Variants in DMD observed in about 807,000 individuals in gnomAD.
DMD encodes mutant dystrophin.
DMD carries 63 observed loss-of-function variants against 330.1 expected under a neutral mutation model. That is an observed-to-expected ratio of 0.19 (90% confidence interval 0.16 to 0.24). DMD has a LOEUF of 0.24. DMD is among the 10% of genes least tolerant of loss of function. The pLI, the probability that DMD is intolerant of heterozygous loss-of-function variation, is 1.00. For missense variants in DMD, 3,344 were observed against 2,684.1 expected, an observed-to-expected ratio of 1.25 and a Z score of -5.43; for synonymous variants, 1,223 against 959.8, an observed-to-expected ratio of 1.27 and a Z score of -5.07.
At chrX:33,051,165 C>G (rs2094451193) in intron 1 of DMD, among the ~76,000 whole-genome samples, 1 of 108,856 alleles carries the variant, frequency 9.2e-6, no homozygotes, top group Non-Finnish European at 1.9e-5. Flanking sequence ...ATAACACACA[C>G]TTTTTTAGCA....
chrX:32,372,364 A>G (rs16990274), intron 34 of DMD, among the ~76,000 whole-genome samples: 6,327 of 111,420 alleles, frequency 0.057, 315 homozygotes, highest in African/African-American at 0.16. Context: ...TATTGCCTAC[A>G]TAACAGTCCA....
At chrX:32,339,545 G>A (rs1290802828) in intron 41 of DMD, among the ~76,000 whole-genome samples, 1 of 111,302 alleles carries the variant, frequency 9.0e-6, no homozygotes, top group Admixed American at 9.6e-5. Flanking sequence ...ATTCCTGTGT[G>A]GCTGGGCGCT....
At position 31,444,495 on chromosome X, in the gene DMD, A is replaced by G. The variant is rs2065147639; in HGVS notation, c.9070T>C (p.Trp3024Arg). The G allele has an allele frequency of 8.3e-7, 1 of 1,211,837 alleles. No individual in the cohort carries two copies. The highest frequency in any genetic ancestry group is 3.0e-5 in the East Asian group (1 of 33,838). ...AATGTGCTTACCTGCAGAAGCTTCC[A>G]TCTGGTGTTCAGGTCTTCCAGAGTG... is the stretch of plus-strand genomic sequence containing the variant. ...LSTLEDLNTR[W>R]KLLQVAVEDR... Residue 3024 changes from tryptophan (W) to arginine (R), a missense_variant, in exon 60 of 79, where the codon TGG (tryptophan) becomes CGG (arginine). Transcript: ENST00000357033.
At chrX:31,293,904 C>T (rs142676349) in intron 62 of DMD, among the ~76,000 whole-genome samples, 1,316 of 111,521 alleles carry the variant, frequency 0.012, 14 homozygotes, top group African/African-American at 0.04. Flanking sequence ...GCCTGTAATC[C>T]CAGCACTTTG....
chrX:32,660,309 C>T (rs1329758258), intron 9 of DMD, among the ~76,000 whole-genome samples: 1 of 110,159 alleles, frequency 9.1e-6, no homozygotes, highest in East Asian at 2.8e-4. Context: ...GGTGAAGATA[C>T]TAGAAGAGGA....
intron 62 of DMD, among the ~76,000 whole-genome samples, chrX:31,314,514 C>T (rs1434787395): frequency 9.0e-6 from 1 of 111,320 alleles, no homozygotes; most frequent in Non-Finnish European, 1.9e-5. Flanking sequence ...CGAGGCTTTT[C>T]AGTTTCATCC....
At chrX:33,300,537 A>G (rs2053646985) in intron 1 of DMD, among the ~76,000 whole-genome samples, 1 of 111,803 alleles carries the variant, frequency 8.9e-6, no homozygotes, top group South Asian at 3.7e-4. Context: ...CTCAAACTTC[A>G]TATGTTGAAT....
At chrX:31,719,929 C>G (rs1266453889) in intron 52 of DMD, among the ~76,000 whole-genome samples, 1 of 111,894 alleles carries the variant, frequency 8.9e-6, no homozygotes, top group South Asian at 3.7e-4. Context: ...TAATTGACAT[C>G]TGAGTGCAAC....
chrX:31,889,757 T>C (rs1210416787), intron 47 of DMD, among the ~76,000 whole-genome samples: 2 of 108,052 alleles, frequency 1.9e-5, no homozygotes, highest in Non-Finnish European at 3.8e-5. Flanking sequence ...AGCCGTACTC[T>C]AAACAAAGGC....
intron 27 of DMD, among the ~76,000 whole-genome samples, chrX:32,444,726 G>A (rs180999921): frequency 2.3e-4 from 25 of 110,867 alleles, no homozygotes; most frequent in Admixed American, 9.6e-5. Context: ...GAGAGCTGAC[G>A]GAGACTTGAG....
chrX:32,743,646 T>A (rs972859890), intron 7 of DMD, among the ~76,000 whole-genome samples: 1 of 110,423 alleles, frequency 9.1e-6, no homozygotes, highest in Admixed American at 9.7e-5. Flanking sequence ...AAAGCAGAGT[T>A]TTTAACTCTG....
chrX:32,962,470 C>T (rs949172193), intron 2 of DMD, among the ~76,000 whole-genome samples: 3 of 111,291 alleles, frequency 2.7e-5, no homozygotes, highest in Non-Finnish European at 5.7e-5. Context: ...CTTTTTATTT[C>T]TTTAAACTGG....
At chrX:31,375,404 C>G (rs1272749128) in intron 60 of DMD, among the ~76,000 whole-genome samples, 1 of 111,520 alleles carries the variant, frequency 9.0e-6, no homozygotes, top group Non-Finnish European at 1.9e-5. Context: ...CTGCAAGCAA[C>G]TCTCCAACTG....
At chrX:33,189,195 A>G (rs1481233643) in intron 1 of DMD, among the ~76,000 whole-genome samples, 1 of 111,285 alleles carries the variant, frequency 9.0e-6, no homozygotes, top group Non-Finnish European at 1.9e-5. Context: ...ATAGTGTTAC[A>G]ATGAACTCTG....
chrX:33,150,983 A>G (rs1041505741), intron 1 of DMD, among the ~76,000 whole-genome samples: 4 of 112,023 alleles, frequency 3.6e-5, no homozygotes, highest in African/African-American at 1.3e-4. Flanking sequence ...CAAAATATCA[A>G]CATTTTAAAA....
At chrX:32,080,606 T>C (rs962649926) in intron 44 of DMD, among the ~76,000 whole-genome samples, 3 of 111,890 alleles carry the variant, frequency 2.7e-5, no homozygotes, top group African/African-American at 9.8e-5. Context: ...TACATAACAA[T>C]AAGCACAATG....
Position 31,582,857 on chromosome X carries a change from A to T in DMD, c.8217+44816T>A, listed in dbSNP as rs2076402864. On this transcript the variant is annotated intron_variant, in intron 55 of 78. Coordinates refer to ENST00000357033, the MANE Select transcript of DMD (RefSeq NM_004006.3). ...CTGCTTTAAGACAGACTTAGGAGGT[A>T]AAATTTGCAGTCTTTTGTGTCAGTG... is the stretch of plus-strand genomic sequence containing the variant. Among the ~76,000 whole-genome samples the T allele has an allele frequency of 3.6e-5, 4 of 112,148 alleles. 1 individual carries two copies. In the Admixed American group the frequency reaches 3.8e-4, roughly 11 times the overall value.
At chrX:32,870,981 AAAAAAAAC>A (rs777605904) in intron 2 of DMD, among the ~76,000 whole-genome samples, 35,622 of 82,149 alleles carry the variant, frequency 0.43, 6,767 homozygotes, top group Middle Eastern at 0.52. Flanking sequence ...AAAAAAAAAA[AAAAAAAAC>A]CACAAAACCC....
At chrX:32,526,940 T>C (rs1378534168) in intron 17 of DMD, among the ~76,000 whole-genome samples, 3 of 112,135 alleles carry the variant, frequency 2.7e-5, no homozygotes, top group Non-Finnish European at 5.6e-5. Context: ...ACTTTCAATA[T>C]ACAAGTTGCA....
Sources: gnomAD v4.1 joint callset for allele counts (sites outside exome capture counted in the v4.1 genomes callset) on GRCh38, gnomAD v4.1.1 for gene constraint, MANE v1.5 for transcripts, NCBI Gene and HGNC (gene_info 2026-07-23, HGNC 2026-07-21) for gene names.